RELN: variants seen among roughly 807,000 people sequenced by gnomAD.
The protein encoded by RELN is reelin.
A neutral mutation model predicts 427.6 loss-of-function variants in RELN; 108 were observed. That is an observed-to-expected ratio of 0.25 (90% CI 0.22 to 0.30). The LOEUF is 0.30. RELN is among the 10% of genes least tolerant of loss of function. RELN has a pLI of 1.00. For synonymous variants in RELN, 1,524 were observed against 1,513.4 expected, an observed-to-expected ratio of 1.01 and a Z score of -0.16; for missense variants, 3,715 against 4,302.8, an observed-to-expected ratio of 0.86 and a Z score of 3.82.
intron 3 of RELN, among the ~76,000 whole-genome samples, chr7:103,780,682 A>G (rs1193001753): frequency 6.6e-6 from 1 of 152,164 alleles, no homozygotes; most frequent in Non-Finnish European, 1.5e-5. Flanking sequence ...TTAGTTTGCT[A>G]AGGATAATGG....
chr7:103,935,164 G>A lies in RELN; in HGVS notation c.227-17979C>T, dbSNP rs1471161928. Among the ~76,000 whole-genome samples the A allele has an allele frequency of 2.0e-5, 3 of 152,174 alleles. No individual in the cohort carries two copies. In the East Asian group the frequency reaches 5.8e-4, roughly 29 times the overall value. On this transcript the variant is annotated intron_variant, in intron 1 of 64. Coordinates refer to ENST00000428762, the MANE Select transcript of RELN (RefSeq NM_005045.4). ...GTTTCTGGAATCTCCTAGGTTTTTA[G>A]TTGGTCTGTAATCATATTTTGTAAG...
intron 1 of RELN, among the ~76,000 whole-genome samples, chr7:103,981,683 C>T (rs568341959): frequency 1.3e-5 from 2 of 152,272 alleles, no homozygotes; most frequent in South Asian, 4.2e-4. Context: ...GGCATAGCTG[C>T]CTGAAGATAT....
At chr7:103,744,040 G>T (rs1373783735) in intron 6 of RELN, among the ~76,000 whole-genome samples, 3 of 152,100 alleles carry the variant, frequency 2.0e-5, no homozygotes, top group African/African-American at 4.8e-5. Flanking sequence ...AAATGTAAAA[G>T]AACAGAAATT....
chr7:103,595,097 T>G (rs1433214005), intron 25 of RELN, among the ~76,000 whole-genome samples: 1 of 152,202 alleles, frequency 6.6e-6, no homozygotes, highest in African/African-American at 2.4e-5. Context: ...TAAAATAATT[T>G]TGTGTATGTA....
intron 3 of RELN, among the ~76,000 whole-genome samples, chr7:103,798,196 CA>C (rs1416861804): frequency 6.6e-6 from 1 of 152,186 alleles, no homozygotes; most frequent in Admixed American, 6.5e-5. Context: ...GAGCCTTTAC[CA>C]GCTACAGTCT....
chr7:103,495,611 CTT>C, intron 57 of RELN, 110 bp downstream of exon 57: 1 of 1,041,932 alleles, frequency 9.6e-7, no homozygotes, highest in Non-Finnish European at 1.5e-6. Flanking sequence ...AAGATAAAGT[CTT>C]TTTTAATGAA....
chr7:103,687,494 A>G (rs1305754645), intron 10 of RELN, among the ~76,000 whole-genome samples: 1 of 152,152 alleles, frequency 6.6e-6, no homozygotes, highest in Non-Finnish European at 1.5e-5. Context: ...TAGATAAAAT[A>G]CTGCAGGGAA....
At chr7:103,570,222 A>C (rs1830850959) in intron 31 of RELN, among the ~76,000 whole-genome samples, 1 of 152,204 alleles carries the variant, frequency 6.6e-6, no homozygotes, top group Non-Finnish European at 1.5e-5. Context: ...TGTAAACAGA[A>C]GTTCAATACA....
In RELN at chr7:103,539,355, A is replaced by G. The variant is rs768427960; in HGVS notation, c.6931-28T>C. 1.9e-6 allele frequency: 3 copies of G among 1,608,360 alleles called. No homozygotes were observed. The South Asian group carries it at 3.3e-5, about 18-fold the overall frequency. ...GAAATGTATTTTTAAAAAATCCCAA[A>G]TTTTCCATTTAGTTTTAAGAAATGG... On this transcript the variant is annotated intron_variant, in intron 44 of 64. Transcript: ENST00000428762.
chr7:103,492,471 G>A (rs1044556182), intron 57 of RELN, among the ~76,000 whole-genome samples: 1 of 152,084 alleles, frequency 6.6e-6, no homozygotes, highest in African/African-American at 2.4e-5. Flanking sequence ...GGGGTTTTCT[G>A]TATTTCCATA....
intron 2 of RELN, among the ~76,000 whole-genome samples, chr7:103,861,790 T>C (rs555158210): frequency 2.8e-4 from 43 of 151,570 alleles, no homozygotes; most frequent in African/African-American, 1.0e-3. Flanking sequence ...AAGTGGGGAG[T>C]AGAAGATGAG....
chr7:103,893,003 T>C (rs1794882884), intron 2 of RELN, among the ~76,000 whole-genome samples: 2 of 152,108 alleles, frequency 1.3e-5, no homozygotes, highest in South Asian at 4.1e-4. Context: ...CTGTGACTGA[T>C]CATGTAGAAA....
intron 15 of RELN, among the ~76,000 whole-genome samples, chr7:103,650,826 T>C (rs1434474882): frequency 1.3e-5 from 2 of 152,124 alleles, no homozygotes; most frequent in African/African-American, 4.8e-5. Flanking sequence ...TCTCATACTA[T>C]GTTGCCCACA....
intron 7 of RELN, among the ~76,000 whole-genome samples, chr7:103,726,163 A>G (rs1790206022): frequency 6.6e-6 from 1 of 152,192 alleles, no homozygotes; most frequent in Admixed American, 6.5e-5. Context: ...TTAACTGAAA[A>G]CCGAATTCCT....
rs201401330 is a variant in RELN, at chr7:103,892,366, CAT to C, written c.337+24707_337+24708del. Among the ~76,000 whole-genome samples, 600 of 152,248 alleles carry C rather than the reference CAT, an allele frequency of 3.9e-3. 23 individuals carry two copies. In the East Asian group the frequency reaches 0.072, roughly 18 times the overall value. On this transcript the variant is annotated intron_variant, in intron 2 of 64. Transcript: ENST00000428762. The stretch of plus-strand genomic sequence containing the variant: ...TTACACCATTGAAATTTTACACACA[CAT>C]GTGACAGCACCCACTAATTTCCTAA...
chr7:103,553,373 C>T, intron 40 of RELN, 88 bp downstream of exon 40: 1 of 991,020 alleles, frequency 1.0e-6, no homozygotes, highest in Non-Finnish European at 1.6e-6. Flanking sequence ...GGTCATAATG[C>T]ATGAAATTAT....
chr7:103,601,000 C>A (rs186725065), intron 24 of RELN, among the ~76,000 whole-genome samples: 10 of 152,278 alleles, frequency 6.6e-5, no homozygotes, highest in African/African-American at 1.2e-4. Context: ...GTTGTTATAA[C>A]TTTGCAATGT....
intron 51 of RELN, among the ~76,000 whole-genome samples, chr7:103,505,156 C>T (rs62480416): frequency 6.6e-6 from 1 of 152,192 alleles, no homozygotes; most frequent in Non-Finnish European, 1.5e-5. Flanking sequence ...CAGACTTAAA[C>T]GTCCCTGCTT....
At chr7:103,629,882 A>G (rs1203066971) in intron 20 of RELN, 58 bp downstream of exon 20, 3 of 1,057,006 alleles carry the variant, frequency 2.8e-6, no homozygotes, top group Non-Finnish European at 4.5e-6. Context: ...CTGGAAGATC[A>G]TCCTCATGTT....
Sources: allele counts gnomAD v4.1 joint callset (sites outside exome capture counted in the v4.1 genomes callset), GRCh38; gene constraint gnomAD v4.1.1; transcripts MANE v1.5; gene names NCBI Gene and HGNC (gene_info 2026-07-23, HGNC 2026-07-21).